Variants in PKD1L1 observed in about 807,000 individuals in gnomAD.
The protein encoded by PKD1L1 is polycystin-1-like protein 1.
Under a neutral mutation model 323.4 loss-of-function variants are expected in PKD1L1, and 236 were observed. The ratio of observed to expected loss-of-function variants is 0.73; its 90% CI spans 0.66 to 0.81. The LOEUF (loss-of-function observed/expected upper bound fraction) is 0.81, where lower values mean the gene tolerates loss of function less well. PKD1L1 is among the 40% of genes least tolerant of loss of function. The pLI is 0.00. For synonymous variants in PKD1L1, 1,344 were observed against 1,335.0 expected (o/e 1.01, Z -0.15); for missense variants, 3,320 against 3,508.0 (o/e 0.95, Z 1.35).
intron 3 of PKD1L1, 116 bp downstream of exon 3, chr7:47,940,077 T>C (rs1389952050): frequency 2.2e-6 from 3 of 1,373,476 alleles, no homozygotes. Context: ...CAAACACACA[T>C]GATAGGAAAA....
At position 47,800,827 on chromosome 7, in the gene PKD1L1, A is replaced by T; in HGVS notation, c.8015T>A (p.Leu2672His). 1 of 1,614,004 alleles carries T rather than the reference A, an allele frequency of 6.2e-7. No homozygotes were observed. The highest frequency in any genetic ancestry group is 8.5e-7 in the Non-Finnish European group (1 of 1,180,002). ...AALSHLHRFL[L>H]SMWVLPPGTF... ...GCCAGGTGGTAGAACCCACATAGAG[A>T]GCAGAAATCGGTGCAGGTGGGAGAG... The change falls in exon 54 of 57, where the codon CTC (leucine) becomes CAC (histidine). Residue 2672 changes from leucine (L) to histidine (H), a missense_variant. Physicochemically the swap from Leu to His is moderately conservative, Grantham distance 99. Coordinates refer to ENST00000289672, the MANE Select transcript of PKD1L1 (RefSeq NM_138295.5).
intron 4 of PKD1L1, among the ~76,000 whole-genome samples, chr7:47,933,727 T>C (rs113492569): frequency 6.7e-4 from 102 of 152,218 alleles, no homozygotes; most frequent in African/African-American, 2.4e-3. Context: ...AGAAGATATT[T>C]TGTTGAATAA....
chr7:47,886,013 G>C lies in PKD1L1; in HGVS notation c.2878C>G (p.Leu960Val). The C allele has an allele frequency of 6.2e-7, 1 of 1,614,136 alleles. No homozygotes were observed. The highest frequency in any genetic ancestry group is 8.5e-7 in the Non-Finnish European group (1 of 1,180,012). Reference sequence around the variant, plus strand: ...TGTGATGACTCTGAAATGGCACCGAGTCCCAGCGAGCCAAGCAGCCCCACT... The same window carrying C: ...TGTGATGACTCTGAAATGGCACCGACTCCCAGCGAGCCAAGCAGCCCCACT... ...RVVGLLGSLGLGAISESSQLN... is the reference protein window; with the variant it reads ...RVVGLLGSLGVGAISESSQLN... Residue 960 changes from leucine to valine, a missense_variant, in exon 18 of 57, where the codon CTC becomes GTC. Leu to Val is a conservative substitution (Grantham distance 32). Transcript: ENST00000289672.
intron 15 of PKD1L1, among the ~76,000 whole-genome samples, chr7:47,891,930 C>T (rs921858392): frequency 1.3e-5 from 2 of 152,186 alleles, no homozygotes; most frequent in African/African-American, 4.8e-5. Flanking sequence ...AGCCTTTTGC[C>T]TCCTCTCAAC....
upstream of PKD1L1, among the ~76,000 whole-genome samples, chr7:47,949,097 G>A (rs568064991): frequency 1.8e-4 from 28 of 152,120 alleles, no homozygotes; most frequent in Admixed American, 1.6e-3. Context: ...TTGGCTGGGC[G>A]CGGTGGCTCA....
intron 28 of PKD1L1, 90 bp from the exon 29 acceptor site, chr7:47,855,355 T>TTA: frequency 1.9e-5 from 15 of 786,784 alleles, no homozygotes; most frequent in South Asian, 3.9e-5. Flanking sequence ...GTGGTGCTGC[T>TTA]ATTACACTTA....
chr7:47,872,245 C>T (rs972929003), intron 24 of PKD1L1, among the ~76,000 whole-genome samples: 3 of 152,164 alleles, frequency 2.0e-5, no homozygotes, highest in African/African-American at 7.2e-5. Context: ...GGCACCAAAG[C>T]CATTGTCCCA....
intron 37 of PKD1L1, 117 bp from the exon 38 acceptor site, chr7:47,835,360 G>A (rs932579826): frequency 1.8e-5 from 11 of 625,594 alleles, no homozygotes; most frequent in South Asian, 4.4e-5. Flanking sequence ...TTTAATAAAA[G>A]TGCTCTCTTC....
chr7:47,942,518 C>T (rs747805757), intron 2 of PKD1L1, among the ~76,000 whole-genome samples: 104 of 151,524 alleles, frequency 6.9e-4, no homozygotes, highest in Admixed American at 1.7e-3. Flanking sequence ...TTTAAAAATC[C>T]GTTTCTCAGG....
intron 13 of PKD1L1, 108 bp from the exon 14 acceptor site, chr7:47,898,302 G>C: frequency 1.1e-6 from 1 of 905,804 alleles, no homozygotes; most frequent in South Asian, 1.7e-5. Flanking sequence ...TTATTTGTTT[G>C]CATAGTGACA....
chr7:47,905,713 C>A, intron 10 of PKD1L1, 130 bp downstream of exon 10: 1 of 1,271,314 alleles, frequency 7.9e-7, no homozygotes, highest in Non-Finnish European at 1.1e-6. Flanking sequence ...AACAAAGAAC[C>A]TGTTCAATGA....
intron 13 of PKD1L1, among the ~76,000 whole-genome samples, chr7:47,901,758 C>G (rs1008548501): frequency 1.3e-5 from 2 of 152,176 alleles, no homozygotes; most frequent in Non-Finnish European, 2.9e-5. Flanking sequence ...TCAGATGCCA[C>G]AGAAAGCAGT....
chr7:47,958,425 A>G, the PKD1L1 span, among the ~76,000 whole-genome samples: 1 of 152,228 alleles, frequency 6.6e-6, no homozygotes, highest in Admixed American at 6.5e-5. Context: ...CTCCCACCAT[A>G]TACACAAATC....
At chr7:47,929,078 C>G (rs1434866346) in intron 7 of PKD1L1, 126 bp downstream of exon 7, 3 of 978,458 alleles carry the variant, frequency 3.1e-6, no homozygotes, top group East Asian at 4.9e-5. Flanking sequence ...ATTCTTGGAG[C>G]CAGGAAGGTT....
At chr7:47,879,894 C>G (rs1247354388) in intron 21 of PKD1L1, among the ~76,000 whole-genome samples, 1 of 150,342 alleles carries the variant, frequency 6.7e-6, no homozygotes, top group Non-Finnish European at 1.5e-5. Context: ...GATCGGGCCA[C>G]TGCACTCTAG....
intron 26 of PKD1L1, among the ~76,000 whole-genome samples, chr7:47,863,359 TTGG>T (rs1021190863): frequency 2.6e-5 from 4 of 151,570 alleles, no homozygotes; most frequent in African/African-American, 9.7e-5. Context: ...CAGCTTTGGG[TTGG>T]AGGTGTGGGT....
intron 9 of PKD1L1, among the ~76,000 whole-genome samples, chr7:47,906,537 G>A (rs1366574591): frequency 1.3e-5 from 2 of 151,790 alleles, no homozygotes; most frequent in African/African-American, 4.8e-5. Context: ...ACACATGCAT[G>A]TACATATGTA....
chr7:47,939,943 C>T (rs1787950125), intron 3 of PKD1L1, among the ~76,000 whole-genome samples: 1 of 152,226 alleles, frequency 6.6e-6, no homozygotes, highest in African/African-American at 2.4e-5. Context: ...CTACCCCTCA[C>T]TCCCCATCTG....
intron 17 of PKD1L1, 114 bp downstream of exon 17, chr7:47,887,876 G>A: frequency 2.8e-6 from 3 of 1,054,276 alleles, no homozygotes; most frequent in East Asian, 2.6e-5. Context: ...CCGTTCACCA[G>A]GCAGATCAGA....
Sources: gnomAD v4.1 joint callset for allele counts (sites outside exome capture counted in the v4.1 genomes callset) on GRCh38, gnomAD v4.1.1 for gene constraint, MANE v1.5 for transcripts, NCBI Gene and HGNC (gene_info 2026-07-23, HGNC 2026-07-21) for gene names.